The following EHHADH variants were observed in gnomAD, a reference collection of about 807,000 sequenced individuals.
The protein encoded by EHHADH is enoyl-CoA hydratase and 3-hydroxyacyl CoA dehydrogenase.
Under a neutral mutation model 64.4 loss-of-function variants are expected in EHHADH, and 48 were observed. The observed-to-expected ratio is 0.75, with a 90% CI of 0.59 to 0.95. EHHADH has a LOEUF of 0.95. Ranked by LOEUF, EHHADH falls within the 40% of genes least tolerant of loss-of-function variation. The probability of loss-of-function intolerance (pLI) is 0.00; values close to 1 mark genes in which losing one functional copy is unlikely to be tolerated. For missense variants in EHHADH, 854 were observed against 876.6 expected, an observed-to-expected ratio of 0.97 and a Z score of 0.33; for synonymous variants, 308 against 326.7, an observed-to-expected ratio of 0.94 and a Z score of 0.62.
chr3:185,210,868 C>T (rs191742318), intron 5 of EHHADH, among the ~76,000 whole-genome samples: 3 of 152,092 alleles, frequency 2.0e-5, no homozygotes, highest in Non-Finnish European at 4.4e-5. Flanking sequence ...GAAAAGAAAG[C>T]CTGCTTAATG....
intron 6 of EHHADH, among the ~76,000 whole-genome samples, chr3:185,197,833 G>A (rs1718106723): frequency 6.6e-6 from 1 of 152,142 alleles, no homozygotes; most frequent in African/African-American, 2.4e-5. Context: ...GTCTCTCTCT[G>A]TCACCCAGAC....
At chr3:185,247,546 T>A (rs887833088) in intron 2 of EHHADH, among the ~76,000 whole-genome samples, 64 of 151,928 alleles carry the variant, frequency 4.2e-4, no homozygotes, top group African/African-American at 1.1e-3. Flanking sequence ...TACTATTATT[T>A]TTATTATTAT....
intron 4 of EHHADH, among the ~76,000 whole-genome samples, chr3:185,219,116 G>C (rs770273710): frequency 2.6e-5 from 4 of 152,302 alleles, no homozygotes; most frequent in Admixed American, 1.3e-4. Flanking sequence ...AAATTAAGTT[G>C]ACATTCTATA....
chr3:185,235,832 T>C (rs1460006736), intron 2 of EHHADH, among the ~76,000 whole-genome samples: 2 of 152,162 alleles, frequency 1.3e-5, no homozygotes, highest in African/African-American at 2.4e-5. Flanking sequence ...TGAGATTGAG[T>C]CAGCCCCTCT....
intron 5 of EHHADH, among the ~76,000 whole-genome samples, chr3:185,217,054 G>A (rs187493591): frequency 3.3e-5 from 5 of 152,222 alleles, no homozygotes; most frequent in African/African-American, 1.2e-4. Flanking sequence ...GTTTTACTGC[G>A]GTAAATTATA....
At chr3:185,205,948 A>G (rs1718376810) in intron 5 of EHHADH, among the ~76,000 whole-genome samples, 1 of 152,152 alleles carries the variant, frequency 6.6e-6, no homozygotes, top group Non-Finnish European at 1.5e-5. Flanking sequence ...ACATGAAAAG[A>G]GGGGCTGTAG....
chr3:185,218,957 A>T lies in EHHADH; in HGVS notation c.464-717T>A, dbSNP rs184080110. Reference sequence around the variant, plus strand: ...AGAATCGCTTGAACCCAGGAGGTGGAGATTACAGTGGGCTGAGATCACACC... The same window carrying T: ...AGAATCGCTTGAACCCAGGAGGTGGTGATTACAGTGGGCTGAGATCACACC... On this transcript the variant is annotated intron_variant, in intron 4 of 6. Transcript: ENST00000231887. Among the ~76,000 whole-genome samples the T allele has an allele frequency of 6.7e-4, 102 of 152,274 alleles. 1 individual carries two copies. Among genetic ancestry groups the T allele is most frequent in the African/African-American group, 2.4e-3 (98 of 41,556 alleles).
chr3:185,193,404 G>C lies in EHHADH; in HGVS notation c.994C>G (p.Gln332Glu). 1.2e-6 allele frequency: 2 copies of C among 1,614,170 alleles called. No individual in the cohort carries two copies. The highest frequency in any genetic ancestry group is 1.7e-6 in the Non-Finnish European group (2 of 1,180,028). Residue 332 changes from glutamine (Q) to glutamate (E), a missense_variant, in exon 7 of 7, where the codon CAG (glutamine) becomes GAG (glutamate). Physicochemically the swap from Gln to Glu is conservative, Grantham distance 29. Coordinates refer to ENST00000231887, the MANE Select transcript of EHHADH (RefSeq NM_001966.4). The stretch of plus-strand genomic sequence containing the variant: ...ATCATCTTGTTTGCAGTTGCTAGCT[G>C]GTTTTTGTCCGAGTCTACAGCAATC... The part of the protein sequence containing the change: ...PVIAVDSDKN[Q>E]LATANKMITS...
intron 3 of EHHADH, among the ~76,000 whole-genome samples, chr3:185,232,094 CAG>C (rs1158225689): frequency 2.6e-5 from 4 of 152,018 alleles, no homozygotes; most frequent in Non-Finnish European, 5.9e-5. Flanking sequence ...TAGCCATTTA[CAG>C]GTATAAGGGT....
At chr3:185,202,642 T>C (rs980434473) in intron 6 of EHHADH, among the ~76,000 whole-genome samples, 9 of 152,112 alleles carry the variant, frequency 5.9e-5, no homozygotes, top group Non-Finnish European at 1.2e-4. Flanking sequence ...GTCGGATCAG[T>C]GGTGGTATTA....
intron 6 of EHHADH, among the ~76,000 whole-genome samples, chr3:185,196,272 TACA>T (rs1220806661): frequency 6.6e-6 from 1 of 152,206 alleles, no homozygotes; most frequent in Non-Finnish European, 1.5e-5. Context: ...TTTGCATTTA[TACA>T]ATAAAAATAA....
chr3:185,222,175 T>C (rs1718854135), intron 4 of EHHADH, among the ~76,000 whole-genome samples: 1 of 151,672 alleles, frequency 6.6e-6, no homozygotes, highest in South Asian at 2.1e-4. Flanking sequence ...AGGTCAGGAG[T>C]TTGAGACCAG....
chr3:185,238,350 G>A (rs559111667), intron 2 of EHHADH, among the ~76,000 whole-genome samples: 277 of 152,220 alleles, frequency 1.8e-3, no homozygotes, highest in African/African-American at 6.5e-3. Context: ...TTTCCATAAA[G>A]GTTGTACTAA....
In EHHADH at chr3:185,193,114, G is replaced by T; in HGVS notation, c.1284C>A (p.Val428=). Reference sequence around the variant, plus strand: ...CTGGCGAAAAGAAGTGGGTGCCAATGACCAAGTGAGGACGATCAGTGGAAG... The same window carrying T: ...CTGGCGAAAAGAAGTGGGTGCCAATTACCAAGTGAGGACGATCAGTGGAAG... ...IASSTDRPHL[V]IGTHFFSPAH... is the part of the protein sequence containing the mutation. Residue 428 remains valine (V), a synonymous_variant, in exon 7 of 7, where the codon GTC becomes GTA. Coordinates refer to ENST00000231887, the MANE Select transcript of EHHADH (RefSeq NM_001966.4). 1 of 1,613,692 alleles carries T rather than the reference G, an allele frequency of 6.2e-7. No individual in the cohort carries two copies. Among genetic ancestry groups the T allele is most frequent in the South Asian group, 1.1e-5 (1 of 90,944 alleles).
At chr3:185,224,372 G>A (rs1163422900) in intron 4 of EHHADH, among the ~76,000 whole-genome samples, 2 of 151,294 alleles carry the variant, frequency 1.3e-5, no homozygotes, top group Non-Finnish European at 2.9e-5. Context: ...GTGGTGGCAC[G>A]TGCCTGTAAT....
intron 1 of EHHADH, among the ~76,000 whole-genome samples, chr3:185,249,068 C>T (rs1719673215): frequency 6.6e-6 from 1 of 152,136 alleles, no homozygotes. Flanking sequence ...AATATCCATT[C>T]CTCTCCATCG....
At chr3:185,221,375 A>T (rs1222656260) in intron 4 of EHHADH, among the ~76,000 whole-genome samples, 1 of 152,156 alleles carries the variant, frequency 6.6e-6, no homozygotes, top group Non-Finnish European at 1.5e-5. Context: ...TTGACATTAC[A>T]TACTTAAAAT....
chr3:185,201,143 G>C (rs960554482), intron 6 of EHHADH, among the ~76,000 whole-genome samples: 1 of 152,118 alleles, frequency 6.6e-6, no homozygotes, highest in Non-Finnish European at 1.5e-5. Flanking sequence ...AATATTCAGG[G>C]TAACGACAAG....
chr3:185,218,239 T>G lies in EHHADH; in HGVS notation c.465A>C (p.Gly155=). ...GTGCTTCATCTGCTAAAATACGTCTTCCTGAAATAAACAACAACAACAATA... is the reference window on the plus strand; with the variant it reads ...GTGCTTCATCTGCTAAAATACGTCTGCCTGAAATAAACAACAACAACAATA... The part of the protein sequence containing the change: ...VPAALDLITS[G]RRILADEALK... Residue 155 remains glycine (G), a splice_region_variant and synonymous_variant, in exon 5 of 7, where the codon GGA becomes GGC. Transcript: ENST00000231887. 1.3e-6 allele frequency: 2 copies of G among 1,598,170 alleles called. No individual in the cohort carries two copies. Among genetic ancestry groups the G allele is most frequent in the Non-Finnish European group, 1.7e-6 (2 of 1,172,404 alleles).
Sources: allele counts gnomAD v4.1 joint callset (sites outside exome capture counted in the v4.1 genomes callset), GRCh38; gene constraint gnomAD v4.1.1; transcripts MANE v1.5; gene names NCBI Gene and HGNC (gene_info 2026-07-23, HGNC 2026-07-21).